Variants in ANKS1B observed in about 807,000 individuals in gnomAD.
ANKS1B encodes ankyrin repeat and sterile alpha motif domain containing 1B, also known as ankyrin repeat and sterile alpha motif domain-containing protein 1B.
Under a neutral mutation model 148.3 loss-of-function variants are expected in ANKS1B, and 36 were observed. The ratio of observed to expected loss-of-function variants is 0.24; its 90% CI spans 0.19 to 0.32. The LOEUF is 0.32. Ranked by LOEUF, ANKS1B falls within the 10% of genes least tolerant of loss-of-function variation. ANKS1B has a pLI of 1.00. For missense variants in ANKS1B, 1,157 were observed against 1,542.6 expected (o/e 0.75, Z 4.19); for synonymous variants, 542 against 560.8 (o/e 0.97, Z 0.47).
At position 99,343,750 on chromosome 12, in the gene ANKS1B, A is replaced by G. The variant is rs921807353; in HGVS notation, c.1756+55881T>C. 3 of 152,038 alleles carry G rather than the reference A, an allele frequency of 2.0e-5. No individual in the cohort carries two copies. In the East Asian group the frequency reaches 5.8e-4, roughly 29 times the overall value. 9.4% of individuals were successfully genotyped at this position (152,038 alleles called of 1,614,324 possible). Reference sequence around the variant, plus strand: ...TTTTGAAGAGTCATTGGTACCTACCAGCAATTCTTTCTCACCTCTCACTCA... The same window carrying G: ...TTTTGAAGAGTCATTGGTACCTACCGGCAATTCTTTCTCACCTCTCACTCA... On this transcript the variant is annotated intron_variant, in intron 12 of 26. Transcript: ENST00000683438.
intron 9 of ANKS1B, among the ~76,000 whole-genome samples, chr12:99,517,663 A>C (rs2096835262): frequency 6.6e-6 from 1 of 152,082 alleles, no homozygotes; most frequent in Non-Finnish European, 1.5e-5. Flanking sequence ...TATATAGCCA[A>C]CAAGAATACT....
intron 17 of ANKS1B, among the ~76,000 whole-genome samples, chr12:99,024,733 G>C (rs2099947786): frequency 6.6e-6 from 1 of 152,168 alleles, no homozygotes; most frequent in South Asian, 2.1e-4. Flanking sequence ...AATTCTTAGA[G>C]ATAGCAAAGG....
intron 17 of ANKS1B, among the ~76,000 whole-genome samples, chr12:99,039,579 T>C (rs1012769244): frequency 6.6e-6 from 1 of 152,246 alleles, no homozygotes; most frequent in African/African-American, 2.4e-5. Context: ...AAACTGAAAT[T>C]GGCTCATCTG....
At chr12:98,919,048 A>G in intron 17 of ANKS1B, among the ~76,000 whole-genome samples, 1 of 152,084 alleles carries the variant, frequency 6.6e-6, no homozygotes, top group Non-Finnish European at 1.5e-5. Flanking sequence ...ATATTTTTCA[A>G]TATATTGATA....
In ANKS1B at chr12:99,835,160, G is replaced by A. The variant is rs139477022; in HGVS notation, c.135-9771C>T. ...GGCATGGTGGCTCACACCTGTAATC[G>A]CAGCACTTTTGGAGGCCAAGACAGG... is the stretch of plus-strand genomic sequence containing the variant. On this transcript the variant is annotated intron_variant, in intron 1 of 26. Coordinates refer to ENST00000683438, the MANE Select transcript of ANKS1B (RefSeq NM_001352186.2). 1.8e-4 allele frequency among the ~76,000 whole-genome samples: 27 copies of A among 149,638 alleles called. No homozygotes were observed. In the East Asian group the frequency reaches 5.3e-3, roughly 30 times the overall value.
At chr12:99,616,114 A>C (rs10777999) in intron 9 of ANKS1B, among the ~76,000 whole-genome samples, 101,738 of 151,902 alleles carry the variant, frequency 0.67, 34,173 homozygotes, top group African/African-American at 0.71. Flanking sequence ...AGGAGAACTA[A>C]AAACCACTGC....
At chr12:99,727,439 GA>G (rs1303023846) in intron 8 of ANKS1B, among the ~76,000 whole-genome samples, 2 of 152,058 alleles carry the variant, frequency 1.3e-5, no homozygotes, top group Non-Finnish European at 2.9e-5. Context: ...CAAGGGATGT[GA>G]AGGACCTCTT....
intron 8 of ANKS1B, among the ~76,000 whole-genome samples, chr12:99,720,295 A>G (rs2057941887): frequency 1.3e-5 from 2 of 152,052 alleles, no homozygotes; most frequent in African/African-American, 4.8e-5. Flanking sequence ...AAACTAAAAT[A>G]TCTCTTAGTC....
At chr12:99,615,073 C>G (rs1461308307) in intron 9 of ANKS1B, among the ~76,000 whole-genome samples, 1 of 152,026 alleles carries the variant, frequency 6.6e-6, no homozygotes, top group Non-Finnish European at 1.5e-5. Flanking sequence ...TTTATAAAAA[C>G]TATGGGAAAT....
intron 17 of ANKS1B, among the ~76,000 whole-genome samples, chr12:98,965,968 T>C (rs2099877494): frequency 6.6e-6 from 1 of 152,054 alleles, no homozygotes; most frequent in Non-Finnish European, 1.5e-5. Context: ...TAGGCAATAC[T>C]ATTCAGGACA....
chr12:98,881,323 T>C (rs1485959577), intron 17 of ANKS1B, among the ~76,000 whole-genome samples: 1 of 152,204 alleles, frequency 6.6e-6, no homozygotes, highest in Non-Finnish European at 1.5e-5. Flanking sequence ...GTGGCTTTTA[T>C]AGCTTTCCAG....
At chr12:99,292,005 T>C (rs2080072882) in intron 12 of ANKS1B, among the ~76,000 whole-genome samples, 1 of 152,124 alleles carries the variant, frequency 6.6e-6, no homozygotes. Context: ...CAAAAATTAA[T>C]TCAAGATGGA....
chr12:99,755,650 AT>A (rs1356829680), intron 8 of ANKS1B, among the ~76,000 whole-genome samples: 3 of 151,404 alleles, frequency 2.0e-5, no homozygotes, highest in African/African-American at 7.3e-5. Flanking sequence ...GAAAAACCCT[AT>A]CCACCATAAT....
At chr12:99,874,408 C>T (rs2091871588) in intron 1 of ANKS1B, among the ~76,000 whole-genome samples, 1 of 152,058 alleles carries the variant, frequency 6.6e-6, no homozygotes, top group Non-Finnish European at 1.5e-5. Flanking sequence ...GGGGGGCCTG[C>T]ACATAATACC....
At chr12:99,549,997 C>T (rs939371785) in intron 9 of ANKS1B, among the ~76,000 whole-genome samples, 2 of 152,230 alleles carry the variant, frequency 1.3e-5, no homozygotes, top group African/African-American at 2.4e-5. Context: ...CAAATGGCAG[C>T]GGGCTCCAGC....
At chr12:98,810,611 C>T (rs1172797257) in intron 19 of ANKS1B, among the ~76,000 whole-genome samples, 1 of 152,140 alleles carries the variant, frequency 6.6e-6, no homozygotes. Flanking sequence ...TTTAAGTTAA[C>T]ACAAGTATAT....
In ANKS1B at chr12:98,829,570, A is replaced by G. The variant is rs549500502; in HGVS notation, c.2887-217T>C. ...CAGGTCAAAGGTCTGAAATATCAAGAGTCAGGTTCTGTTTTCCTAAAGCAG... is the reference window on the plus strand; with the variant it reads ...CAGGTCAAAGGTCTGAAATATCAAGGGTCAGGTTCTGTTTTCCTAAAGCAG... On this transcript the variant is annotated intron_variant, in intron 18 of 26. Coordinates refer to ENST00000683438, the MANE Select transcript of ANKS1B (RefSeq NM_001352186.2). The surrounding 1 kb of genome is among the most constrained non-coding windows in gnomAD (Gnocchi z 5.2). Among the ~76,000 whole-genome samples, 14 of 152,274 alleles carry G rather than the reference A, an allele frequency of 9.2e-5. No individual in the cohort carries two copies. Among genetic ancestry groups the G allele is most frequent in the African/African-American group, 3.4e-4 (14 of 41,554 alleles).
intron 15 of ANKS1B, among the ~76,000 whole-genome samples, chr12:99,113,381 G>C (rs1198836812): frequency 6.6e-6 from 1 of 152,078 alleles, no homozygotes; most frequent in African/African-American, 2.4e-5. Flanking sequence ...ATTAGTATCT[G>C]GCACGAAACA....
intron 17 of ANKS1B, among the ~76,000 whole-genome samples, chr12:98,844,625 C>A (rs2099435021): frequency 6.6e-6 from 1 of 152,138 alleles, no homozygotes; most frequent in Non-Finnish European, 1.5e-5. Context: ...TGAAGTCTTT[C>A]ATTATCTGCA....
Sources: allele counts gnomAD v4.1 joint callset (sites outside exome capture counted in the v4.1 genomes callset), GRCh38; gene constraint gnomAD v4.1.1; non-coding constraint Gnocchi (gnomAD v3.1); transcripts MANE v1.5; gene names NCBI Gene and HGNC (gene_info 2026-07-23, HGNC 2026-07-21).